Variants in GRAMD4 observed in about 807,000 individuals in gnomAD.
GRAMD4 encodes the protein GRAM domain-containing protein 4.
GRAMD4 carries 25 observed loss-of-function variants against 83.9 expected under a neutral mutation model. The ratio of observed to expected loss-of-function variants is 0.30; its 90% CI spans 0.22 to 0.42. The LOEUF (loss-of-function observed/expected upper bound fraction) is 0.42. Ranked by LOEUF, GRAMD4 falls within the 10% of genes least tolerant of loss-of-function variation. GRAMD4 has a pLI of 1.00. For missense variants in GRAMD4, 593 were observed against 788.7 expected, an observed-to-expected ratio of 0.75 and a Z score of 2.97; for synonymous variants, 336 against 320.9, an observed-to-expected ratio of 1.05 and a Z score of -0.50.
In GRAMD4 at chr22:46,666,856, G is replaced by A. The variant is rs770155543; in HGVS notation, c.841G>A (p.Glu281Lys). The A allele has an allele frequency of 6.9e-6, 11 of 1,602,950 alleles. No individual in the cohort carries two copies. The highest frequency in any genetic ancestry group is 3.4e-5 in the Admixed American group (2 of 58,730). ...GWRIQWSIVPEVSEPVEPPKE... is the reference protein window; with the variant it reads ...GWRIQWSIVPKVSEPVEPPKE... ...GCGGATACAGTGGAGCATCGTGCCC[G>A]AAGTGTCTGAGCCCGTGGTAAGTCC... Residue 281 changes from glutamate (E) to lysine (K), a missense_variant, in exon 10 of 19, where the codon GAA (glutamate) becomes AAA (lysine). Around this residue, in one of 4 missense-constraint regions of GRAMD4, gnomAD observed 36 missense variants for 85.8 expected, o/e 0.42. Coordinates refer to ENST00000406902, the MANE Select transcript of GRAMD4 (RefSeq NM_015124.5).
intron 1 of GRAMD4, among the ~76,000 whole-genome samples, chr22:46,590,498 T>TGA (rs2081196135): frequency 6.6e-6 from 1 of 152,216 alleles, no homozygotes; most frequent in Non-Finnish European, 1.5e-5. Context: ...ACTGTGTGTG[T>TGA]GACCAGGCCT....
chr22:46,617,723 G>A (rs969996836), upstream of GRAMD4, among the ~76,000 whole-genome samples: 3 of 152,102 alleles, frequency 2.0e-5, no homozygotes, highest in East Asian at 3.9e-4. Context: ...GCCATACACC[G>A]TGCTGGCATT....
downstream of GRAMD4, among the ~76,000 whole-genome samples, chr22:46,681,610 C>T (rs1488863991): frequency 6.6e-6 from 1 of 152,216 alleles, no homozygotes; most frequent in East Asian, 1.9e-4. Flanking sequence ...CACTGCAGAG[C>T]TTCCAGCAGA....
chr22:46,652,481 A>G (rs1861741), intron 3 of GRAMD4, among the ~76,000 whole-genome samples: 75,040 of 152,118 alleles, frequency 0.49, 18,789 homozygotes, highest in Middle Eastern at 0.64. Context: ...GTTTTAAGCC[A>G]CTGTGTTGGT....
intron 3 of GRAMD4, among the ~76,000 whole-genome samples, chr22:46,638,916 G>A (rs1219533769): frequency 2.6e-5 from 4 of 152,196 alleles, no homozygotes; most frequent in Non-Finnish European, 2.9e-5. Context: ...GCCTTTGCCA[G>A]AAGGATTGTC....
chr22:46,638,928 T>C (rs1346430391), intron 3 of GRAMD4, among the ~76,000 whole-genome samples: 2 of 152,198 alleles, frequency 1.3e-5, no homozygotes, highest in Admixed American at 1.3e-4. Flanking sequence ...AGGATTGTCA[T>C]CTGGGTGCCC....
At chr22:46,618,963 G>A (rs1569264800), upstream of GRAMD4, among the ~76,000 whole-genome samples, 1 of 152,234 alleles carries the variant, frequency 6.6e-6, no homozygotes, top group Non-Finnish European at 1.5e-5. The surrounding 1 kb of genome is among the most constrained non-coding windows in gnomAD (Gnocchi z 5.8). Context: ...GTCCGGCTTG[G>A]AGCCTGCAGG....
At chr22:46,575,929 AG>A (rs1199533495), upstream of GRAMD4, 2 of 152,308 alleles carry the variant, frequency 1.3e-5, no homozygotes, top group African/African-American at 4.8e-5. Context: ...CTAGACCTGG[AG>A]GGGGATCAAA....
Position 46,678,649 on chromosome 22 carries a change from A to C in GRAMD4, c.*1398A>C. On this transcript the variant is annotated 3_prime_UTR_variant, in exon 19 of 19. Coordinates refer to ENST00000406902, the MANE Select transcript of GRAMD4 (RefSeq NM_015124.5). ...TGAGATTGTTGTTTTTTGAAGAAAC[A>C]GAAGATTCTATTTTTTACAGCGAGC... 1 of 985,586 alleles carries C rather than the reference A, an allele frequency of 1.0e-6. No homozygotes were observed. The highest frequency in any genetic ancestry group is 1.2e-6 in the Non-Finnish European group (1 of 829,902). The allele number at this position is 985,586 out of a possible 1,614,324, so 61.1% of individuals were successfully genotyped here.
intron 1 of GRAMD4, among the ~76,000 whole-genome samples, chr22:46,586,390 G>A (rs867326164): frequency 6.6e-6 from 1 of 152,114 alleles, no homozygotes; most frequent in African/African-American, 2.4e-5. Flanking sequence ...GGCATTTGCC[G>A]GGTGATGCTG....
chr22:46,645,886 A>G (rs2082065412), intron 3 of GRAMD4, among the ~76,000 whole-genome samples: 1 of 152,234 alleles, frequency 6.6e-6, no homozygotes, highest in Non-Finnish European at 1.5e-5. Context: ...TCTGTTGGTC[A>G]CTAGTCACCT....
At chr22:46,664,230 C>A in intron 8 of GRAMD4, 113 bp downstream of exon 8, 1 of 762,738 alleles carries the variant, frequency 1.3e-6, no homozygotes, top group Non-Finnish European at 2.4e-6. Context: ...GGCACTTCCT[C>A]AGGCCCCAGG....
At chr22:46,583,419 A>G (rs1055736937) in intron 1 of GRAMD4, among the ~76,000 whole-genome samples, 8 of 152,210 alleles carry the variant, frequency 5.3e-5, no homozygotes, top group Admixed American at 3.9e-4. Flanking sequence ...GTTCAGATTC[A>G]TTAGGTTTTA....
intron 2 of GRAMD4, among the ~76,000 whole-genome samples, chr22:46,633,277 C>T (rs933862888): frequency 6.6e-6 from 1 of 152,344 alleles, no homozygotes; most frequent in African/African-American, 2.4e-5. Context: ...CATTGTCTGT[C>T]CTTGTCACAG....
At chr22:46,589,414 G>A (rs914400954) in intron 1 of GRAMD4, among the ~76,000 whole-genome samples, 1 of 148,732 alleles carries the variant, frequency 6.7e-6, no homozygotes, top group African/African-American at 2.5e-5. Context: ...TGAGGGCTGT[G>A]CCTCACGTGG....
intron 3 of GRAMD4, among the ~76,000 whole-genome samples, chr22:46,647,668 A>C (rs2082090667): frequency 6.6e-6 from 1 of 152,250 alleles, no homozygotes. Flanking sequence ...GGAAGTGTTA[A>C]GTCGGGAACC....
intron 2 of GRAMD4, among the ~76,000 whole-genome samples, chr22:46,628,505 G>A (rs1426145973): frequency 8.6e-6 from 1 of 115,872 alleles, no homozygotes; most frequent in South Asian, 3.4e-4. Flanking sequence ...TGTCTGAGGG[G>A]CGGGTGGACT....
chr22:46,639,366 T>G (rs2147230747), intron 3 of GRAMD4, among the ~76,000 whole-genome samples: 1 of 150,640 alleles, frequency 6.6e-6, no homozygotes, highest in South Asian at 2.1e-4. Context: ...TGCACGTACG[T>G]GCACGTGTGT....
intron 16 of GRAMD4, 126 bp downstream of exon 16, chr22:46,674,876 C>T: frequency 1.4e-6 from 1 of 720,880 alleles, no homozygotes; most frequent in East Asian, 2.6e-5. Flanking sequence ...CTCTCCCATG[C>T]TCTGCTCTTG....
Sources: allele counts gnomAD v4.1 joint callset (sites outside exome capture counted in the v4.1 genomes callset), GRCh38; gene constraint gnomAD v4.1.1; regional missense constraint gnomAD v4.1.1; non-coding constraint Gnocchi (gnomAD v3.1); transcripts MANE v1.5; gene names NCBI Gene and HGNC (gene_info 2026-07-23, HGNC 2026-07-21).